CACNB2: variants seen among roughly 807,000 people sequenced by gnomAD.
The protein encoded by CACNB2 is voltage-dependent L-type calcium channel subunit beta-2.
CACNB2 carries 42 observed loss-of-function variants against 73.3 expected under a neutral mutation model. The ratio of observed to expected loss-of-function variants is 0.57; its 90% CI spans 0.45 to 0.74. CACNB2 has a LOEUF of 0.74. CACNB2 is among the 30% of genes least tolerant of loss of function. The pLI is 0.00. For synonymous variants in CACNB2, 348 were observed against 310.3 expected (o/e 1.12, Z -1.28); for missense variants, 940 against 853.0 (o/e 1.10, Z -1.27).
At chr10:18,487,113 A>G (rs1234045888) in intron 3 of CACNB2, among the ~76,000 whole-genome samples, 2 of 152,164 alleles carry the variant, frequency 1.3e-5, no homozygotes, top group Admixed American at 1.3e-4. Flanking sequence ...TGCATGGTGC[A>G]TGAAGATGCT....
chr10:18,542,237 A>C lies in CACNB2; in HGVS notation c.*2513A>C, dbSNP rs1217996790. The C allele has an allele frequency of 6.6e-6, 1 of 152,202 alleles. No homozygotes were observed. Among genetic ancestry groups the C allele is most frequent in the Non-Finnish European group, 1.5e-5 (1 of 68,040 alleles). The allele number at this position is 152,202 out of a possible 1,614,324, so 9.4% of individuals were successfully genotyped here. The stretch of plus-strand genomic sequence containing the variant: ...CATATATAATGTTTTATCAGCTTAT[A>C]TATGAAAAAATTTCCCTCAGTTCGT... On this transcript the variant is annotated 3_prime_UTR_variant, in exon 14 of 14. Transcript: ENST00000324631.
chr10:18,478,356 A>G lies in CACNB2; in HGVS notation c.334-19999A>G, dbSNP rs149237155. On this transcript the variant is annotated intron_variant, in intron 3 of 13. Coordinates refer to ENST00000324631, the MANE Select transcript of CACNB2 (RefSeq NM_201596.3). ...GCTCACCATTCTTATATGTTTTGTG[A>G]TTTTCATTTTCCCTTAAGAATTGTC... is the stretch of plus-strand genomic sequence containing the variant. 3.9e-5 allele frequency among the ~76,000 whole-genome samples: 6 copies of G among 152,296 alleles called. No individual in the cohort carries two copies. In the East Asian group the frequency reaches 1.2e-3, roughly 29 times the overall value.
At chr10:18,366,352 C>A (rs1231789912) in intron 2 of CACNB2, among the ~76,000 whole-genome samples, 5 of 151,722 alleles carry the variant, frequency 3.3e-5, no homozygotes. Context: ...GTAATCCTAG[C>A]TCCTCAGGAG....
chr10:18,498,246 A>G, intron 3 of CACNB2, 109 bp from the exon 4 acceptor site: 1 of 1,357,802 alleles, frequency 7.4e-7, no homozygotes, highest in Non-Finnish European at 1.0e-6. Flanking sequence ...CAGAGGGGAA[A>G]CCAACAATGA....
intron 9 of CACNB2, among the ~76,000 whole-genome samples, chr10:18,525,014 C>CAG: frequency 1.6e-5 from 2 of 123,924 alleles, no homozygotes; most frequent in African/African-American, 3.1e-5. Context: ...GCCTGGGTGA[C>CAG]AGTGAGATGC....
At chr10:18,488,499 A>G (rs962027639) in intron 3 of CACNB2, among the ~76,000 whole-genome samples, 2 of 122,236 alleles carry the variant, frequency 1.6e-5, no homozygotes, top group Admixed American at 8.6e-5. Context: ...AAAAAAAAAA[A>G]GAAAATCAGG....
intron 2 of CACNB2, among the ~76,000 whole-genome samples, chr10:18,154,937 G>A (rs78122842): frequency 0.015 from 2,316 of 152,314 alleles, 25 homozygotes; most frequent in Middle Eastern, 0.031. Context: ...CCAAAACTGC[G>A]AGAAAATTAA....
chr10:18,228,917 T>C (rs553165494), intron 2 of CACNB2, among the ~76,000 whole-genome samples: 4 of 152,106 alleles, frequency 2.6e-5, no homozygotes, highest in South Asian at 2.1e-4. Context: ...TATTTTTGTA[T>C]TTTTAGTAGA....
intron 2 of CACNB2, among the ~76,000 whole-genome samples, chr10:18,156,916 G>A (rs1303856324): frequency 6.6e-6 from 1 of 151,852 alleles, no homozygotes; most frequent in Non-Finnish European, 1.5e-5. Flanking sequence ...GCGCATGCCT[G>A]TAATCCCAGC....
rs919421712 is a variant in CACNB2 at position 18,314,590 on chromosome 10, AC to A, written c.214-87333del. Among the ~76,000 whole-genome samples, 8 of 152,232 alleles carry A rather than the reference AC, an allele frequency of 5.3e-5. No homozygotes were observed. In the South Asian group the frequency reaches 6.2e-4, roughly 12 times the overall value. The stretch of plus-strand genomic sequence containing the variant: ...TTCCCACATTTGTGAGAAAAAAAAA[AC>A]GTGAGCCACCATAAAGTAACTAAAA... On this transcript the variant is annotated intron_variant, in intron 2 of 13. Coordinates refer to ENST00000324631, the MANE Select transcript of CACNB2 (RefSeq NM_201596.3).
At chr10:18,429,676 A>G (rs1271671259) in intron 3 of CACNB2, among the ~76,000 whole-genome samples, 1 of 140,912 alleles carries the variant, frequency 7.1e-6, no homozygotes, top group Non-Finnish European at 1.6e-5. Flanking sequence ...AAAAAAAAAA[A>G]AAAAACCAAA....
chr10:18,273,853 A>G (rs2038160055), intron 2 of CACNB2, among the ~76,000 whole-genome samples: 1 of 152,230 alleles, frequency 6.6e-6, no homozygotes, highest in South Asian at 2.1e-4. Flanking sequence ...CTAAAATGAA[A>G]TACCACATAC....
At chr10:18,155,106 C>T (rs112725958) in intron 2 of CACNB2, among the ~76,000 whole-genome samples, 3 of 152,240 alleles carry the variant, frequency 2.0e-5, no homozygotes, top group African/African-American at 7.2e-5. Context: ...TGTGTTCAGC[C>T]TGGTGAGTTG....
intron 7 of CACNB2, chr10:18,515,149 C>A: frequency 1.1e-6 from 1 of 891,018 alleles, no homozygotes; most frequent in Non-Finnish European, 1.8e-6. Context: ...AGTGGTCATG[C>A]GTAGAGCCTT....
intron 2 of CACNB2, chr10:18,238,546 C>T (rs1311225694): frequency 6.6e-6 from 1 of 151,996 alleles, no homozygotes; most frequent in Non-Finnish European, 1.5e-5. Context: ...AATCTCAATC[C>T]AACATAAGGG....
At chr10:18,537,786 A>AAAAG (rs1286831526) in intron 12 of CACNB2, among the ~76,000 whole-genome samples, 2 of 152,166 alleles carry the variant, frequency 1.3e-5, no homozygotes, top group Non-Finnish European at 2.9e-5. Flanking sequence ...CAAAAAAAGA[A>AAAAG]AAAGAAAAAA....
chr10:18,256,157 A>G (rs796316103), intron 2 of CACNB2, among the ~76,000 whole-genome samples: 12 of 152,276 alleles, frequency 7.9e-5, no homozygotes, highest in African/African-American at 2.6e-4. Flanking sequence ...AACGCTTTTC[A>G]ATATTTTGCT....
chr10:18,171,521 GAAAAAAAA>G (rs370201485), intron 2 of CACNB2, among the ~76,000 whole-genome samples: 1,632 of 32,506 alleles, frequency 0.05, 19 homozygotes, highest in African/African-American at 0.12. Flanking sequence ...TTTGATAGCA[GAAAAAAAA>G]AAAAAAAAAA....
chr10:18,261,040 T>A, intron 2 of CACNB2: 1 of 1,411,808 alleles, frequency 7.1e-7, no homozygotes, highest in South Asian at 1.5e-5. Context: ...GATCTCAAAT[T>A]ACGCCCCCCA....
Sources: allele counts gnomAD v4.1 joint callset (sites outside exome capture counted in the v4.1 genomes callset), GRCh38; gene constraint gnomAD v4.1.1; transcripts MANE v1.5; gene names NCBI Gene and HGNC (gene_info 2026-07-23, HGNC 2026-07-21).